The following MYCBP2 variants were observed in gnomAD, a reference collection of about 807,000 sequenced individuals.
MYCBP2 encodes MYC binding protein 2.
In MYCBP2, 120 loss-of-function variants were observed where a neutral mutation model predicts 525.3. The observed-to-expected ratio is 0.23, with a 90% CI of 0.20 to 0.27. The LOEUF is 0.27. Among genes scored for constraint, MYCBP2 ranks in the 10% least tolerant of loss-of-function variants. MYCBP2 has a pLI of 1.00. For missense variants in MYCBP2, 4,149 were observed against 5,657.1 expected, an observed-to-expected ratio of 0.73 and a Z score of 8.55; for synonymous variants, 1,894 against 1,955.8, an observed-to-expected ratio of 0.97 and a Z score of 0.83.
intron 52 of MYCBP2, chr13:77,129,431 G>A: frequency 2.8e-6 from 1 of 357,226 alleles, no homozygotes; most frequent in Non-Finnish European, 5.0e-6. Context: ...GTTTTTGTCA[G>A]AAGCTCTCCA....
intron 38 of MYCBP2, among the ~76,000 whole-genome samples, chr13:77,170,610 T>C: frequency 6.7e-6 from 1 of 149,504 alleles, no homozygotes; most frequent in East Asian, 2.0e-4. Context: ...GGAGTGTCAC[T>C]CTGACATCCA....
In MYCBP2 at chr13:77,069,487, C is replaced by A. The variant is rs535814264; in HGVS notation, c.11905-656G>T. ...AATACAAAAAAATTACACCTGTAAT[C>A]CCAGCAGTTTGGGAGGCCGAGGCAG... is the stretch of plus-strand genomic sequence containing the variant. On this transcript the variant is annotated intron_variant, in intron 69 of 82. Transcript: ENST00000544440. 2.6e-5 allele frequency among the ~76,000 whole-genome samples: 4 copies of A among 151,492 alleles called. No homozygotes were observed. The East Asian group carries it at 5.9e-4, about 22-fold the overall frequency.
chr13:77,274,211 A>G (rs2075242480), intron 4 of MYCBP2, among the ~76,000 whole-genome samples: 1 of 152,194 alleles, frequency 6.6e-6, no homozygotes, highest in Non-Finnish European at 1.5e-5. Flanking sequence ...CCCCTTTAAT[A>G]ATGAAATTGA....
At position 77,049,124 on chromosome 13, in the gene MYCBP2, A is replaced by T. The variant is rs147308178; in HGVS notation, c.13921+1873T>A. On this transcript the variant is annotated intron_variant, in intron 82 of 82. Transcript: ENST00000544440. The stretch of plus-strand genomic sequence containing the variant: ...ATTGCCCTTCCTCCAAGCTCAAGTC[A>T]TCTAGAGTCATCTAGAATACTGCCC... Among the ~76,000 whole-genome samples, 360 of 152,148 alleles carry T rather than the reference A, an allele frequency of 2.4e-3. 9 individuals are homozygous for T. The South Asian group carries it at 0.033, about 14-fold the overall frequency.
chr13:77,117,819 C>T (rs1442254643), intron 55 of MYCBP2, among the ~76,000 whole-genome samples: 1 of 152,092 alleles, frequency 6.6e-6, no homozygotes, highest in Admixed American at 6.6e-5. Context: ...GAATTACTAT[C>T]ATGAATGAAG....
At chr13:77,078,745 G>T in intron 66 of MYCBP2, 79 bp downstream of exon 66, 1 of 1,127,020 alleles carries the variant, frequency 8.9e-7, no homozygotes, top group Non-Finnish European at 1.4e-6. Context: ...TGTGCCAAGG[G>T]TGGAATTCAA....
intron 71 of MYCBP2, 48 bp downstream of exon 71, chr13:77,067,533 T>A (rs1415604483): frequency 2.5e-6 from 4 of 1,569,684 alleles, no homozygotes; most frequent in South Asian, 2.3e-5. Flanking sequence ...TTCTGAACAG[T>A]AGCTCACTCT....
chr13:77,205,216 T>A (rs1253413915), intron 26 of MYCBP2, 40 bp downstream of exon 26: 2 of 1,455,842 alleles, frequency 1.4e-6, no homozygotes, highest in East Asian at 2.4e-5. Context: ...AAAATCAGTA[T>A]GTTCAAACAA....
chr13:77,126,285 T>G (rs1341203546), intron 53 of MYCBP2, 33 bp downstream of exon 53: 1 of 1,575,708 alleles, frequency 6.3e-7, no homozygotes, highest in South Asian at 1.1e-5. Context: ...AAAATGAGTA[T>G]CTTAGAAGTC....
chr13:77,116,231 A>G (rs2049735975), intron 55 of MYCBP2, among the ~76,000 whole-genome samples: 1 of 151,990 alleles, frequency 6.6e-6, no homozygotes, highest in African/African-American at 2.4e-5. Flanking sequence ...CTTCTACATA[A>G]TGATTTATTT....
At chr13:77,157,112 G>A (rs553481860) in intron 45 of MYCBP2, among the ~76,000 whole-genome samples, 186 of 151,720 alleles carry the variant, frequency 1.2e-3, no homozygotes, top group Middle Eastern at 6.8e-3. Context: ...TTTGAGATAG[G>A]GTCTTGCTCT....
rs574432870 is a variant in MYCBP2, at chr13:77,098,948, A to G, written c.8206T>C (p.Ser2736Pro). Residue 2736 changes from serine (S) to proline (P), a missense_variant, in exon 56 of 83, where the codon TCT becomes CCT. By Grantham distance (74) the Ser-to-Pro change is moderately conservative (BLOSUM62 -1). Transcript: ENST00000544440. ...GGTTTAAGCGATCTGCTGTGTTTAG[A>G]GGACAGCTCTGATTTTCCTGATGTA... ...ASTSGKSELS[S>P]KHSRSLKPDG... 1 of 1,613,022 alleles carries G rather than the reference A, an allele frequency of 6.2e-7. No homozygotes were observed. Among genetic ancestry groups the G allele is most frequent in the Admixed American group, 1.7e-5 (1 of 59,944 alleles).
chr13:77,251,151 C>T lies in MYCBP2; in HGVS notation c.2381G>A (p.Gly794Glu). Residue 794 changes from glycine to glutamate, a missense_variant and splice_region_variant, in exon 15 of 83, where the codon GGG becomes GAG. Physicochemically the swap from Gly to Glu is moderately conservative, Grantham distance 98. Coordinates refer to ENST00000544440, the MANE Select transcript of MYCBP2 (RefSeq NM_015057.5). ...TTTAGTAGGAATCATTGTCTCTTAC[C>T]CTCCGGGGACTCTGTCTGGCCGTCC... The part of the protein sequence containing the change: ...SSGRPDRVPG[G>E]ICGCGSGESG... The T allele has an allele frequency of 6.2e-7, 1 of 1,613,496 alleles. No individual in the cohort carries two copies. The highest frequency in any genetic ancestry group is 8.5e-7 in the Non-Finnish European group (1 of 1,179,956).
chr13:77,048,276 A>T (rs1026579838), intron 82 of MYCBP2, among the ~76,000 whole-genome samples: 1 of 152,168 alleles, frequency 6.6e-6, no homozygotes, highest in African/African-American at 2.4e-5. Context: ...GGTCCTCACC[A>T]GACACCTCGA....
intron 68 of MYCBP2, among the ~76,000 whole-genome samples, chr13:77,073,762 TAAA>T (rs981048060): frequency 1.3e-5 from 2 of 152,052 alleles, no homozygotes; most frequent in African/African-American, 4.8e-5. Flanking sequence ...GAAAGTGAAA[TAAA>T]AAATACCATT....
In MYCBP2 at chr13:77,090,272, G is replaced by A. The variant is rs1347823116; in HGVS notation, c.10368-9C>T. On this transcript the variant is annotated splice_polypyrimidine_tract_variant and intron_variant, in intron 59 of 82. Coordinates refer to ENST00000544440, the MANE Select transcript of MYCBP2 (RefSeq NM_015057.5). ...TGGGACTGGTTTCTAAACTGTACAT[G>A]GAACAATGCAACAGATACAAACTCA... 23 of 1,598,184 alleles carry A rather than the reference G, an allele frequency of 1.4e-5. No individual in the cohort carries two copies. The highest frequency in any genetic ancestry group is 1.9e-5 in the Non-Finnish European group (22 of 1,171,882).
chr13:77,183,325 T>C (rs1462787438), intron 32 of MYCBP2, among the ~76,000 whole-genome samples: 1 of 152,200 alleles, frequency 6.6e-6, no homozygotes, highest in East Asian at 1.9e-4. Context: ...CTTTCTTAAA[T>C]GTTTAACAGA....
At chr13:77,180,487 T>A (rs56175548) in intron 33 of MYCBP2, among the ~76,000 whole-genome samples, 169 bp from the exon 34 acceptor site, 1 of 152,240 alleles carries the variant, frequency 6.6e-6, no homozygotes, top group Non-Finnish European at 1.5e-5. Flanking sequence ...TTAGAAGTTC[T>A]TTTTTGAATT....
At chr13:77,218,976 T>C (rs190639361) in intron 20 of MYCBP2, among the ~76,000 whole-genome samples, 36 of 152,282 alleles carry the variant, frequency 2.4e-4, no homozygotes, top group Admixed American at 1.1e-3. Context: ...AGGAACAGAA[T>C]TGATGAAACT....
Sources: allele counts gnomAD v4.1 joint callset (sites outside exome capture counted in the v4.1 genomes callset), GRCh38; gene constraint gnomAD v4.1.1; transcripts MANE v1.5; gene names NCBI Gene and HGNC (gene_info 2026-07-23, HGNC 2026-07-21).